The following KCNK2 variants were observed in gnomAD, a reference collection of about 807,000 sequenced individuals.
KCNK2 encodes potassium two pore domain channel subfamily K member 2, also known as potassium channel subfamily K member 2.
Under a neutral mutation model 40.5 loss-of-function variants are expected in KCNK2, and 21 were observed. That is an observed-to-expected ratio of 0.52 (90% CI 0.37 to 0.75). KCNK2 has a LOEUF of 0.75. KCNK2 is among the 30% of genes least tolerant of loss of function. The pLI is 0.00. For missense variants in KCNK2, 399 were observed against 531.6 expected, an observed-to-expected ratio of 0.75 and a Z score of 2.45; for synonymous variants, 191 against 202.2, an observed-to-expected ratio of 0.94 and a Z score of 0.47.
intron 2 of KCNK2, among the ~76,000 whole-genome samples, chr1:215,117,312 C>G (rs1004852498): frequency 6.6e-6 from 1 of 151,972 alleles, no homozygotes; most frequent in Non-Finnish European, 1.5e-5. Flanking sequence ...TGGAATACAA[C>G]TTGAATTTCC....
At chr1:215,227,247 G>C (rs971863620) in intron 6 of KCNK2, among the ~76,000 whole-genome samples, 1 of 152,198 alleles carries the variant, frequency 6.6e-6, no homozygotes, top group African/African-American at 2.4e-5. Flanking sequence ...GTAATGCTAA[G>C]GAAGTACAGA....
intron 1 of KCNK2, among the ~76,000 whole-genome samples, chr1:215,037,427 A>G (rs55723793): frequency 0.039 from 5,947 of 151,954 alleles, 256 homozygotes; most frequent in African/African-American, 0.11. Flanking sequence ...TGGGTTTGAG[A>G]TATTAATATT....
intron 2 of KCNK2, among the ~76,000 whole-genome samples, chr1:215,103,071 A>G (rs1330741053): frequency 6.6e-6 from 1 of 151,964 alleles, no homozygotes; most frequent in African/African-American, 2.4e-5. Flanking sequence ...ATGAGGACCA[A>G]GAGGGAACAC....
At chr1:215,061,729 C>T (rs2102508094) in intron 1 of KCNK2, among the ~76,000 whole-genome samples, 1 of 151,966 alleles carries the variant, frequency 6.6e-6, no homozygotes, top group South Asian at 2.1e-4. Context: ...GATAATTCAA[C>T]AGATTTAAAA....
intron 5 of KCNK2, among the ~76,000 whole-genome samples, chr1:215,175,121 T>C (rs142883934): frequency 0.048 from 7,369 of 152,240 alleles, 198 homozygotes; most frequent in Middle Eastern, 0.13. Context: ...AAATAGCTGT[T>C]ATTATTTTGA....
chr1:215,093,592 T>A, intron 2 of KCNK2, among the ~76,000 whole-genome samples: 1 of 104,412 alleles, frequency 9.6e-6, no homozygotes, highest in South Asian at 2.6e-4. Context: ...TACTATATAA[T>A]ATATAATATA....
intron 3 of KCNK2, among the ~76,000 whole-genome samples, chr1:215,156,170 C>T (rs1194559505): frequency 6.6e-6 from 1 of 151,812 alleles, no homozygotes; most frequent in African/African-American, 2.4e-5. Context: ...TGAACTGTTG[C>T]AAATAAGTAT....
chr1:215,095,651 GT>G (rs1172934759), intron 2 of KCNK2, among the ~76,000 whole-genome samples: 2 of 152,002 alleles, frequency 1.3e-5, no homozygotes, highest in Admixed American at 6.6e-5. Context: ...ATGGGGTTGC[GT>G]TTTTTTCACC....
intron 3 of KCNK2, among the ~76,000 whole-genome samples, chr1:215,145,486 A>T (rs554398912): frequency 6.6e-6 from 1 of 152,286 alleles, no homozygotes; most frequent in African/African-American, 2.4e-5. Flanking sequence ...AATTACTGTG[A>T]ATCAAAGATA....
At chr1:215,178,815 T>C (rs1307499989) in intron 5 of KCNK2, among the ~76,000 whole-genome samples, 2 of 152,122 alleles carry the variant, frequency 1.3e-5, no homozygotes, top group Non-Finnish European at 2.9e-5. Context: ...TTTCTTGTTA[T>C]TGTGTCTTTT....
chr1:215,110,051 AT>A (rs776811294), intron 2 of KCNK2, among the ~76,000 whole-genome samples: 14 of 152,056 alleles, frequency 9.2e-5, no homozygotes, highest in East Asian at 5.8e-4. Context: ...TCTTTTGCAT[AT>A]TTTTTAATGG....
Position 215,153,580 on chromosome 1 carries a change from A to ATT in KCNK2, c.476-15611_476-15610dup, listed in dbSNP as rs35617434. 1.9e-3 allele frequency among the ~76,000 whole-genome samples: 204 copies of ATT among 105,030 alleles called. 1 individual carries two copies. The highest frequency in any genetic ancestry group is 3.4e-3 in the Non-Finnish European group (150 of 44,718). The allele number at this position is 105,030 out of a possible 152,430, so 68.9% of individuals were successfully genotyped here. Reference sequence around the variant, plus strand: ...ATAGCGTTGTTATATATATATATATATTTTTTTTTCTCTGACATCTCTTTT... The same window carrying ATT: ...ATAGCGTTGTTATATATATATATATATTTTTTTTTTTCTCTGACATCTCTTTT... On this transcript the variant is annotated intron_variant, in intron 3 of 6. Coordinates refer to ENST00000444842, the MANE Select transcript of KCNK2 (RefSeq NM_001017425.3).
At chr1:215,230,538 TATATAC>T (rs1558150347) in intron 6 of KCNK2, among the ~76,000 whole-genome samples, 15 of 94,718 alleles carry the variant, frequency 1.6e-4, no homozygotes, top group African/African-American at 4.2e-4. Context: ...TATATGTATA[TATATAC>T]ACACACATAA....
intron 2 of KCNK2, among the ~76,000 whole-genome samples, chr1:215,097,618 T>G (rs1398746769): frequency 6.6e-6 from 1 of 151,992 alleles, no homozygotes; most frequent in Non-Finnish European, 1.5e-5. Flanking sequence ...TCTCTAATGG[T>G]TAGTAGCAGA....
At chr1:215,104,269 A>G (rs1660340160) in intron 2 of KCNK2, among the ~76,000 whole-genome samples, 2 of 152,024 alleles carry the variant, frequency 1.3e-5, no homozygotes, top group Non-Finnish European at 2.9e-5. Context: ...AATAGAACAA[A>G]CACCGGATCT....
chr1:215,192,874 A>C (rs1343264498), intron 5 of KCNK2, among the ~76,000 whole-genome samples: 4 of 152,192 alleles, frequency 2.6e-5, no homozygotes. Flanking sequence ...GTCCCAAAAG[A>C]AAGCTGAACG....
At chr1:215,035,251 A>G (rs1657345155) in intron 1 of KCNK2, among the ~76,000 whole-genome samples, 1 of 152,086 alleles carries the variant, frequency 6.6e-6, no homozygotes, top group Non-Finnish European at 1.5e-5. Flanking sequence ...CTATCCTGTC[A>G]ACCCCTGACA....
chr1:215,232,052 G>A (rs1460329537), intron 6 of KCNK2, among the ~76,000 whole-genome samples: 2 of 152,160 alleles, frequency 1.3e-5, no homozygotes, highest in East Asian at 3.9e-4. Context: ...TGGGAACACA[G>A]CAAAGCCATA....
At chr1:215,007,009 A>G (rs1158514166) in intron 1 of KCNK2, among the ~76,000 whole-genome samples, 2 of 13,876 alleles carry the variant, frequency 1.4e-4, no homozygotes, top group Non-Finnish European at 2.4e-4. Flanking sequence ...ATATATATAT[A>G]TATATATATA....
Sources: gnomAD v4.1 joint callset for allele counts (sites outside exome capture counted in the v4.1 genomes callset) on GRCh38, gnomAD v4.1.1 for gene constraint, MANE v1.5 for transcripts, NCBI Gene and HGNC (gene_info 2026-07-23, HGNC 2026-07-21) for gene names.